Variants in FSCN2 observed in about 807,000 individuals in gnomAD.
FSCN2 encodes the protein fascin actin-bundling protein 2, retinal, also known as fascin-2.
FSCN2 carries 46 observed loss-of-function variants against 37.8 expected under a neutral mutation model. That is an observed-to-expected ratio of 1.22 (90% CI 0.96 to 1.56). The LOEUF (loss-of-function observed/expected upper bound fraction) is 1.56, where lower values mean the gene tolerates loss of function less well. Among genes scored for constraint, FSCN2 ranks in the 40% most tolerant of loss-of-function variants. FSCN2 has a pLI of 0.00. For synonymous variants in FSCN2, 351 were observed against 309.4 expected (o/e 1.13, Z -1.41); for missense variants, 844 against 730.4 (o/e 1.16, Z -1.79).
At chr17:81,521,476 A>C in the FSCN2 span, among the ~76,000 whole-genome samples, 1 of 146,768 alleles carries the variant, frequency 6.8e-6, no homozygotes, top group Non-Finnish European at 1.5e-5. Flanking sequence ...CAAACTTCCC[A>C]CCTCAGCCCT....
chr17:81,536,001 G>T, intron 2 of FSCN2, 145 bp from the exon 3 acceptor site: 2 of 994,600 alleles, frequency 2.0e-6, no homozygotes, highest in Non-Finnish European at 2.9e-6. Flanking sequence ...AGCCCACTGG[G>T]GCAGGGTAGC....
chr17:81,529,061 T>C lies in FSCN2; in HGVS notation c.530T>C (p.Leu177Pro). 1 of 1,592,412 alleles carries C rather than the reference T, an allele frequency of 6.3e-7. No individual in the cohort carries two copies. The highest frequency in any genetic ancestry group is 8.5e-7 in the Non-Finnish European group (1 of 1,172,178). The change falls in exon 1 of 5, where the codon CTC becomes CCC. Residue 177 changes from leucine to proline, a missense_variant. By Grantham distance (98) the Leu-to-Pro change is moderately conservative. Transcript: ENST00000417245. ...KPWGVDALLT[L>P]IFRSRRYCLK... is the part of the protein sequence containing the mutation. ...TGGGGCGTGGACGCCCTCCTCACCCTCATCTTCCGGAGCCGACGGTACTGC... is the reference window on the plus strand; with the variant it reads ...TGGGGCGTGGACGCCCTCCTCACCCCCATCTTCCGGAGCCGACGGTACTGC...
At chr17:81,530,495 C>G in intron 1 of FSCN2, 2 of 422,168 alleles carry the variant, frequency 4.7e-6, no homozygotes, top group African/African-American at 2.1e-5. Flanking sequence ...GCTCCTGGCT[C>G]CATGCACCCC....
chr17:81,529,955 G>T (rs1037335183), intron 1 of FSCN2, among the ~76,000 whole-genome samples: 6 of 152,174 alleles, frequency 3.9e-5, no homozygotes, highest in African/African-American at 1.2e-4. Flanking sequence ...GACTACAGGC[G>T]CCCGCCACCA....
chr17:81,521,949 C>T, the FSCN2 span, among the ~76,000 whole-genome samples: 182 of 152,316 alleles, frequency 1.2e-3, no homozygotes, highest in African/African-American at 4.3e-3. Flanking sequence ...AAATGTCCTC[C>T]GTAGTGTGTT....
chr17:81,534,058 G>A (rs993914124), intron 1 of FSCN2, among the ~76,000 whole-genome samples: 13 of 152,218 alleles, frequency 8.5e-5, no homozygotes, highest in Non-Finnish European at 1.3e-4. Context: ...TGGGGATGCT[G>A]GCACGAATAC....
intron 1 of FSCN2, among the ~76,000 whole-genome samples, chr17:81,534,755 A>C (rs1004592177): frequency 7.2e-5 from 11 of 151,798 alleles, no homozygotes; most frequent in African/African-American, 2.7e-4. Context: ...GGAGATTACC[A>C]GCTGATTACT....
intron 1 of FSCN2, among the ~76,000 whole-genome samples, chr17:81,533,837 C>A (rs1159231054): frequency 6.6e-6 from 1 of 152,184 alleles, no homozygotes; most frequent in East Asian, 1.9e-4. Flanking sequence ...TCTGGGGACA[C>A]CAAAGTGCTG....
chr17:81,521,364 T>C, the FSCN2 span, among the ~76,000 whole-genome samples: 5 of 106,576 alleles, frequency 4.7e-5, no homozygotes, highest in Admixed American at 9.5e-5. Context: ...CAAGCCCAGC[T>C]TTTTTTTTTT....
rs753094983 is a variant in FSCN2, at chr17:81,536,907, C to CACGGCAGCGTGTGCAGCG, written c.1312_1329dup (p.Ser438_Gly443dup). ...CGGAGGGTTCTGGTACACGGGCAGC[C>CACGGCAGCGTGTGCAGCG]ACGGCAGCGTGTGCAGCGACGGCGA... On this transcript the variant is annotated inframe_insertion, in exon 5 of 5. Transcript: ENST00000417245. The CACGGCAGCGTGTGCAGCG allele has an allele frequency of 6.3e-7, 1 of 1,576,034 alleles. No individual in the cohort carries two copies. The highest frequency in any genetic ancestry group is 1.8e-5 in the Admixed American group (1 of 57,022).
At chr17:81,529,488 C>CCATGTGGGA (rs2032478866) in intron 1 of FSCN2, 131 bp downstream of exon 1, 1 of 859,720 alleles carries the variant, frequency 1.2e-6, no homozygotes, top group South Asian at 1.4e-5. Context: ...GGCTGGGGGT[C>CCATGTGGGA]CATGTGGGAC....
At chr17:81,515,370 G>A in the FSCN2 span, among the ~76,000 whole-genome samples, 4 of 152,232 alleles carry the variant, frequency 2.6e-5, no homozygotes, top group African/African-American at 7.2e-5. Context: ...GGCGGCCTCC[G>A]GAGCCGGGAG....
intron 1 of FSCN2, among the ~76,000 whole-genome samples, chr17:81,531,490 TGGTG>T (rs2032594295): frequency 3.0e-5 from 4 of 134,306 alleles, no homozygotes; most frequent in African/African-American, 1.1e-4. Context: ...ATGGTGATGA[TGGTG>T]ATGGTGATGG....
intron 2 of FSCN2, among the ~76,000 whole-genome samples, 191 bp from the exon 3 acceptor site, chr17:81,535,955 C>T (rs1165330418): frequency 1.3e-5 from 2 of 151,424 alleles, no homozygotes; most frequent in Non-Finnish European, 2.9e-5. Context: ...CTGCCTCGGC[C>T]ATGAGGATTG....
chr17:81,531,545 GGTGATGGCGATGATGGTGATGATA>G (rs1792786839), intron 1 of FSCN2, among the ~76,000 whole-genome samples: 1 of 140,048 alleles, frequency 7.1e-6, no homozygotes, highest in Non-Finnish European at 1.6e-5. Flanking sequence ...TGGTGATGAT[GGTGATGGCGATGATGGTGATGATA>G]GTGATGGTGA....
chr17:81,524,438 C>A (rs1481937188), upstream of FSCN2, among the ~76,000 whole-genome samples: 1 of 152,214 alleles, frequency 6.6e-6, no homozygotes, highest in Non-Finnish European at 1.5e-5. Context: ...CAGGCACACA[C>A]TGGGCAGGGG....
Position 81,536,925 on chromosome 17 carries a change from G to C in FSCN2, c.1324G>C (p.Asp442His), listed in dbSNP as rs779493223. 5.5e-5 allele frequency: 87 copies of C among 1,573,430 alleles called. No individual in the cohort carries two copies. Among genetic ancestry groups the C allele is most frequent in the Non-Finnish European group, 7.1e-5 (83 of 1,165,174 alleles). Residue 442 changes from aspartate (D) to histidine (H), a missense_variant, in exon 5 of 5, where the codon GAC becomes CAC. Physicochemically the swap from Asp to His is moderately conservative, Grantham distance 81 (BLOSUM62 -1). Transcript: ENST00000417245. ...YTGSHGSVCS[D>H]GERAEDFVFE... Reference sequence around the variant, plus strand: ...GGGCAGCCACGGCAGCGTGTGCAGCGACGGCGAACGCGCCGAGGACTTCGT... The same window carrying C: ...GGGCAGCCACGGCAGCGTGTGCAGCCACGGCGAACGCGCCGAGGACTTCGT...
chr17:81,519,522 A>C, the FSCN2 span, among the ~76,000 whole-genome samples: 1 of 152,120 alleles, frequency 6.6e-6, no homozygotes, highest in Non-Finnish European at 1.5e-5. Flanking sequence ...CTGGGCCGCC[A>C]GGTGGGTGCC....
At chr17:81,531,570 G>GCGA (rs2032607261) in intron 1 of FSCN2, among the ~76,000 whole-genome samples, 1 of 103,868 alleles carries the variant, frequency 9.6e-6, no homozygotes, top group African/African-American at 3.6e-5. Flanking sequence ...GGTGATGATA[G>GCGA]TGATGGTGAT....
Sources: allele counts gnomAD v4.1 joint callset (sites outside exome capture counted in the v4.1 genomes callset), GRCh38; gene constraint gnomAD v4.1.1; transcripts MANE v1.5; gene names NCBI Gene and HGNC (gene_info 2026-07-23, HGNC 2026-07-21).